TBC1D32: variants seen among roughly 807,000 people sequenced by gnomAD.
TBC1D32 encodes the protein protein broad-minded.
TBC1D32 carries 151 observed loss-of-function variants against 170.3 expected under a neutral mutation model. That is an observed-to-expected ratio of 0.89 (90% CI 0.78 to 1.01). TBC1D32 has a LOEUF of 1.01. Among genes scored for constraint, TBC1D32 ranks in the 50% least tolerant of loss-of-function variants. TBC1D32 has a pLI of 0.00. For missense variants in TBC1D32, 1,464 were observed against 1,457.1 expected, an observed-to-expected ratio of 1.00 and a Z score of -0.08; for synonymous variants, 498 against 488.0, an observed-to-expected ratio of 1.02 and a Z score of -0.27.
In TBC1D32 at chr6:121,311,725, C is replaced by CAA. The variant is rs34442665; in HGVS notation, c.496-880_496-879dup. Among the ~76,000 whole-genome samples, 221 of 114,514 alleles carry CAA rather than the reference C, an allele frequency of 1.9e-3. 3 individuals carry two copies. Among genetic ancestry groups the CAA allele is most frequent in the Admixed American group, 3.2e-3 (39 of 12,042 alleles). 75.1% of individuals were successfully genotyped at this position (114,514 alleles called of 152,430 possible). Reference sequence around the variant, plus strand: ...CTGGCAACTGAGTGAGACTCCACCTCAAAAAAAAAAAAAAAAATGTAAGGA... The same window carrying CAA: ...CTGGCAACTGAGTGAGACTCCACCTCAAAAAAAAAAAAAAAAAAATGTAAGGA... On this transcript the variant is annotated intron_variant, in intron 3 of 31. Transcript: ENST00000398212.
intron 31 of TBC1D32, 145 bp downstream of exon 31, chr6:121,090,708 C>A: frequency 1.5e-6 from 1 of 680,472 alleles, no homozygotes; most frequent in Non-Finnish European, 2.4e-6. Context: ...TCAGTTTACT[C>A]ATCTCTAAAA....
intron 15 of TBC1D32, among the ~76,000 whole-genome samples, chr6:121,272,525 C>T (rs1801608533): frequency 6.6e-6 from 1 of 152,250 alleles, no homozygotes; most frequent in East Asian, 1.9e-4. Context: ...TCATCACCGG[C>T]CATCAGAGAA....
intron 1 of TBC1D32, among the ~76,000 whole-genome samples, chr6:121,327,113 G>A (rs1443411543): frequency 6.7e-6 from 1 of 149,776 alleles, no homozygotes; most frequent in Non-Finnish European, 1.5e-5. Flanking sequence ...CAGACACCAG[G>A]ACTCCAAAAG....
chr6:121,176,046 T>C (rs1787719331), intron 22 of TBC1D32, among the ~76,000 whole-genome samples: 1 of 152,076 alleles, frequency 6.6e-6, no homozygotes, highest in Admixed American at 6.6e-5. Flanking sequence ...TACATACAAA[T>C]ATCCCAGTCT....
chr6:121,286,671 G>A (rs900465050), intron 12 of TBC1D32, among the ~76,000 whole-genome samples: 8 of 151,994 alleles, frequency 5.3e-5, no homozygotes, highest in East Asian at 1.9e-4. Flanking sequence ...GATATTCCTC[G>A]AGAAGAGCAA....
At chr6:121,289,415 A>C (rs994046761) in intron 12 of TBC1D32, among the ~76,000 whole-genome samples, 1 of 152,210 alleles carries the variant, frequency 6.6e-6, no homozygotes, top group African/African-American at 2.4e-5. Context: ...CTTCAAAGGG[A>C]ATAAAATACC....
intron 22 of TBC1D32, among the ~76,000 whole-genome samples, chr6:121,161,692 T>C (rs1785682700): frequency 6.6e-6 from 1 of 152,202 alleles, no homozygotes; most frequent in South Asian, 2.1e-4. Flanking sequence ...TTATTTTGGG[T>C]ATATACCCAG....
At chr6:121,271,534 T>C (rs1202924375) in intron 15 of TBC1D32, among the ~76,000 whole-genome samples, 1 of 151,980 alleles carries the variant, frequency 6.6e-6, no homozygotes, top group Non-Finnish European at 1.5e-5. Flanking sequence ...GAGAATAAAA[T>C]ACCTAGGAAT....
intron 24 of TBC1D32, among the ~76,000 whole-genome samples, chr6:121,145,370 A>T (rs543495090): frequency 1.3e-5 from 2 of 152,290 alleles, no homozygotes; most frequent in African/African-American, 4.8e-5. Context: ...AGGCACAGAA[A>T]GAAAAACACT....
chr6:121,080,422 GC>G lies in TBC1D32; in HGVS notation c.*348del. 3.8e-6 allele frequency: 1 copy of G among 260,118 alleles called. No individual in the cohort carries two copies. Among genetic ancestry groups the G allele is most frequent in the Non-Finnish European group, 8.1e-6 (1 of 123,758 alleles). The allele number at this position is 260,118 out of a possible 1,614,324, so 16.1% of individuals were successfully genotyped here. A position where few individuals can be genotyped will look rare whatever the true frequency, so the allele number is the denominator to read the frequency against. On this transcript the variant is annotated 3_prime_UTR_variant, in exon 32 of 32. Transcript: ENST00000398212. Reference sequence around the variant, plus strand: ...GCAGAGACGAGGTTTCACCATTTTGGCCAGGATGGTCTCGATCTCTTGACCT... The same window carrying G: ...GCAGAGACGAGGTTTCACCATTTTGGCAGGATGGTCTCGATCTCTTGACCT...
At chr6:121,128,873 T>TA (rs1781134279) in intron 25 of TBC1D32, among the ~76,000 whole-genome samples, 1 of 152,108 alleles carries the variant, frequency 6.6e-6, no homozygotes, top group South Asian at 2.1e-4. Context: ...TCCAAACAGA[T>TA]AGTACTCAGA....
intron 21 of TBC1D32, among the ~76,000 whole-genome samples, chr6:121,218,042 T>C (rs938562542): frequency 6.6e-6 from 1 of 152,170 alleles, no homozygotes; most frequent in Non-Finnish European, 1.5e-5. Flanking sequence ...CTGTGATTGT[T>C]CCAGATGCCC....
At chr6:121,317,407 A>T (rs1173365433) in intron 3 of TBC1D32, 88 bp downstream of exon 3, 2 of 1,050,304 alleles carry the variant, frequency 1.9e-6, no homozygotes, top group African/African-American at 3.3e-5. Context: ...TTAAGAAGGC[A>T]GGAAAAATAT....
At chr6:121,228,666 A>T (rs191610832) in intron 20 of TBC1D32, among the ~76,000 whole-genome samples, 1 of 152,128 alleles carries the variant, frequency 6.6e-6, no homozygotes, top group South Asian at 2.1e-4. Flanking sequence ...ATTTAGCCCA[A>T]CATGGTCTAT....
intron 30 of TBC1D32, among the ~76,000 whole-genome samples, chr6:121,099,724 C>T (rs193173692): frequency 2.6e-5 from 4 of 151,892 alleles, no homozygotes; most frequent in Admixed American, 2.0e-4. Flanking sequence ...AGCAATGATA[C>T]GATTTCTTAA....
intron 22 of TBC1D32, among the ~76,000 whole-genome samples, chr6:121,204,587 C>A (rs1172658772): frequency 1.3e-5 from 2 of 151,256 alleles, no homozygotes; most frequent in Non-Finnish European, 2.9e-5. Context: ...CCTTATTTCC[C>A]ATTTGAACAT....
chr6:121,093,498 T>C (rs1036649202), intron 30 of TBC1D32, among the ~76,000 whole-genome samples: 4 of 152,062 alleles, frequency 2.6e-5, no homozygotes, highest in Non-Finnish European at 5.9e-5. Flanking sequence ...GGAGAAACAA[T>C]TCGAGAATGA....
At chr6:121,210,994 A>T (rs983453988) in intron 21 of TBC1D32, among the ~76,000 whole-genome samples, 9 of 141,562 alleles carry the variant, frequency 6.4e-5, no homozygotes, top group African/African-American at 2.0e-4. Context: ...CAATAAAAAA[A>T]ATATAGACAC....
At chr6:121,121,067 C>A (rs1281807937) in intron 26 of TBC1D32, among the ~76,000 whole-genome samples, 2 of 151,978 alleles carry the variant, frequency 1.3e-5, no homozygotes, top group African/African-American at 4.8e-5. Flanking sequence ...ATAATTAAAT[C>A]TCATATTGAA....
Sources: allele counts gnomAD v4.1 joint callset (sites outside exome capture counted in the v4.1 genomes callset), GRCh38; gene constraint gnomAD v4.1.1; transcripts MANE v1.5; gene names NCBI Gene and HGNC (gene_info 2026-07-23, HGNC 2026-07-21).